Variants in GRM4 observed in about 807,000 individuals in gnomAD.
The protein encoded by GRM4 is metabotropic glutamate receptor 4.
GRM4 carries 28 observed loss-of-function variants against 81.7 expected under a neutral mutation model. The observed-to-expected ratio is 0.34, with a 90% CI of 0.25 to 0.47. The LOEUF (loss-of-function observed/expected upper bound fraction) is 0.47, where lower values mean the gene tolerates loss of function less well. GRM4 is among the 20% of genes least tolerant of loss of function. The probability of loss-of-function intolerance (pLI) is 1.00; values close to 1 mark genes in which losing one functional copy is unlikely to be tolerated. For missense variants in GRM4, 948 were observed against 1,290.0 expected (o/e 0.73, Z 4.06); for synonymous variants, 488 against 528.8 (o/e 0.92, Z 1.06).
chr6:34,088,129 T>C (rs1768010095), intron 3 of GRM4, among the ~76,000 whole-genome samples: 1 of 151,704 alleles, frequency 6.6e-6, no homozygotes, highest in Non-Finnish European at 1.5e-5. Flanking sequence ...CACGTTTCAC[T>C]CCTTTTTTTT....
intron 8 of GRM4, among the ~76,000 whole-genome samples, chr6:34,037,428 C>T (rs948435248): frequency 1.3e-5 from 2 of 152,196 alleles, no homozygotes; most frequent in Non-Finnish European, 2.9e-5. Flanking sequence ...GTATTCAAAG[C>T]GACTGTTCTA....
upstream of GRM4, among the ~76,000 whole-genome samples, chr6:34,146,726 G>A (rs1262856966): frequency 6.6e-6 from 1 of 152,180 alleles, no homozygotes; most frequent in South Asian, 2.1e-4. Flanking sequence ...CTCCCCATCA[G>A]TACCTCGACC....
At chr6:34,137,158 T>C (rs1331034925) in intron 1 of GRM4, among the ~76,000 whole-genome samples, 1 of 152,056 alleles carries the variant, frequency 6.6e-6, no homozygotes, top group Non-Finnish European at 1.5e-5. Flanking sequence ...TGACTGTGAG[T>C]CCAAGCCAGT....
rs796918373 is a variant in GRM4, at chr6:34,044,751, T to TACACAG, written c.1169-4004_1169-4003insCTGTGT. 2.3e-5 allele frequency among the ~76,000 whole-genome samples: 3 copies of TACACAG among 132,558 alleles called. 1 individual carries two copies. Among genetic ancestry groups the TACACAG allele is most frequent in the African/African-American group, 8.6e-5 (3 of 34,920 alleles). 87.0% of individuals were successfully genotyped at this position (132,558 alleles called of 152,430 possible). A position where few individuals can be genotyped will look rare whatever the true frequency, so the allele number is the denominator to read the frequency against. On this transcript the variant is annotated intron_variant, in intron 6 of 10. Transcript: ENST00000538487. ...ACAGACATACATACATACACATATA[T>TACACAG]ACACATACACACACATAGACATACA...
At chr6:34,138,691 A>G (rs186328609) in intron 1 of GRM4, among the ~76,000 whole-genome samples, 70 of 152,330 alleles carry the variant, frequency 4.6e-4, no homozygotes, top group Non-Finnish European at 9.3e-4. Context: ...CTCGCAGGCC[A>G]TGGGGAAGGT....
intron 1 of GRM4, among the ~76,000 whole-genome samples, chr6:34,135,466 A>C (rs1319492302): frequency 1.3e-5 from 2 of 152,232 alleles, no homozygotes; most frequent in Non-Finnish European, 2.9e-5. Context: ...TCACACAGCA[A>C]ATCAAGATGC....
intron 3 of GRM4, among the ~76,000 whole-genome samples, chr6:34,082,292 T>TAAAC (rs1767644267): frequency 6.6e-6 from 1 of 152,118 alleles, no homozygotes; most frequent in Admixed American, 6.5e-5. Context: ...AATAAATAAA[T>TAAAC]AAACAGAGGC....
rs1216893817 is a variant in GRM4, at chr6:34,069,768, C to G, written c.737-7740G>C. ...TTTGGATTTACTGCAACATCCAGGA[C>G]TGCCCCAGTCCCCACCAGGATCCAC... is the stretch of plus-strand genomic sequence containing the variant. On this transcript the variant is annotated intron_variant, in intron 3 of 10. Transcript: ENST00000538487. This position sits in a 1 kb window ranked among gnomAD's most constrained non-coding sequence, Gnocchi z 6.4. Among the ~76,000 whole-genome samples the G allele has an allele frequency of 2.6e-5, 4 of 152,046 alleles. No homozygotes were observed.
rs551843368 is a variant in GRM4, at chr6:34,034,943, C to T, written c.2442+725G>A. On this transcript the variant is annotated intron_variant, in intron 9 of 10. Transcript: ENST00000538487. This position sits in a 1 kb window ranked among gnomAD's most constrained non-coding sequence, Gnocchi z 4.0. The stretch of plus-strand genomic sequence containing the variant: ...AGGTCTCTTGGGGTGTGCCCAGGTC[C>T]TCGGACCAAGCCAACAGGAGGCAGA... 6.7e-4 allele frequency among the ~76,000 whole-genome samples: 102 copies of T among 152,352 alleles called. No individual in the cohort carries two copies. In the Middle Eastern group the frequency reaches 0.014, roughly 20 times the overall value.
intron 1 of GRM4, among the ~76,000 whole-genome samples, chr6:34,143,273 T>C (rs901193406): frequency 6.6e-6 from 1 of 152,090 alleles, no homozygotes; most frequent in Non-Finnish European, 1.5e-5. Flanking sequence ...GAGCAGAGGC[T>C]TGGAGGCACC....
At chr6:34,052,206 T>C (rs192548695) in intron 6 of GRM4, among the ~76,000 whole-genome samples, 1 of 152,290 alleles carries the variant, frequency 6.6e-6, no homozygotes, top group East Asian at 1.9e-4. Context: ...CCCGGCTCCC[T>C]CTCGCTCTCT....
chr6:34,110,723 T>C, intron 2 of GRM4: 1 of 1,515,790 alleles, frequency 6.6e-7, no homozygotes, highest in African/African-American at 1.4e-5. Flanking sequence ...GCCGGGGTGC[T>C]GGGCTGGTAG....
At chr6:34,044,197 CACATATATATACAT>C (rs370976999) in intron 6 of GRM4, among the ~76,000 whole-genome samples, 6,089 of 149,490 alleles carry the variant, frequency 0.041, 178 homozygotes, top group African/African-American at 0.064. Context: ...TATATACACA[CACATATATATACAT>C]ACATACACAT....
chr6:34,030,013 A>C (rs1764334109), intron 9 of GRM4, among the ~76,000 whole-genome samples: 1 of 152,164 alleles, frequency 6.6e-6, no homozygotes, highest in Non-Finnish European at 1.5e-5. Flanking sequence ...CTCAGATACT[A>C]CTTACACTCT....
Position 34,130,266 on chromosome 6 carries a change from A to G in GRM4, c.519+2712T>C, listed in dbSNP as rs989604859. On this transcript the variant is annotated intron_variant, in intron 2 of 10. Transcript: ENST00000538487. The surrounding 1 kb of genome is among the most constrained non-coding windows in gnomAD (Gnocchi z 4.1). ...CTGTTAAAAGGGACCCAGGGAATGCAGGCCACAGCCGGCTGGTTTTCTCCC... is the reference window on the plus strand; with the variant it reads ...CTGTTAAAAGGGACCCAGGGAATGCGGGCCACAGCCGGCTGGTTTTCTCCC... Among the ~76,000 whole-genome samples the G allele has an allele frequency of 1.1e-4, 16 of 152,346 alleles. No individual in the cohort carries two copies. In the South Asian group the frequency reaches 3.3e-3, roughly 32 times the overall value.
intron 3 of GRM4, among the ~76,000 whole-genome samples, chr6:34,071,988 T>TAACCACAAAAATACA (rs1766911006): frequency 1.6e-4 from 1 of 6,126 alleles, no homozygotes; most frequent in Non-Finnish European, 4.8e-4. Context: ...CTCCCACACA[T>TAACCACAAAAATACA]CACCACAAAA....
intron 1 of GRM4, among the ~76,000 whole-genome samples, chr6:34,143,263 G>A (rs1341094996): frequency 6.6e-6 from 1 of 152,198 alleles, no homozygotes; most frequent in East Asian, 1.9e-4. Flanking sequence ...GCCCAGTGCT[G>A]AGCAGAGGCT....
In GRM4 at chr6:34,132,962, C is replaced by G; in HGVS notation, c.519+16G>C. On this transcript the variant is annotated intron_variant, in intron 2 of 10. Transcript: ENST00000538487. ...TTGGGGGAAGAGCACCTCAGGGGAC[C>G]AACCAAGGCACTGACCTTGAAGAGG... The G allele has an allele frequency of 6.4e-7, 1 of 1,567,698 alleles. No homozygotes were observed. Among genetic ancestry groups the G allele is most frequent in the South Asian group, 1.2e-5 (1 of 83,942 alleles).
At chr6:34,075,513 T>G (rs1767267458) in intron 3 of GRM4, among the ~76,000 whole-genome samples, 1 of 152,216 alleles carries the variant, frequency 6.6e-6, no homozygotes, top group Non-Finnish European at 1.5e-5. Flanking sequence ...AGCCCTTTCC[T>G]GCAGTGGAAG....
Sources: gnomAD v4.1 joint callset for allele counts (sites outside exome capture counted in the v4.1 genomes callset) on GRCh38, gnomAD v4.1.1 for gene constraint, Gnocchi (gnomAD v3.1) non-coding constraint, MANE v1.5 for transcripts, NCBI Gene and HGNC (gene_info 2026-07-23, HGNC 2026-07-21) for gene names.